Variants in WDFY3 observed in about 807,000 individuals in gnomAD.
The protein encoded by WDFY3 is WD repeat and FYVE domain containing 3.
In WDFY3, 66 loss-of-function variants were observed where a neutral mutation model predicts 409.6. The observed-to-expected ratio is 0.16, with a 90% CI of 0.13 to 0.20. WDFY3 has a LOEUF of 0.20. Among genes scored for constraint, WDFY3 ranks in the 10% least tolerant of loss-of-function variants. The probability of loss-of-function intolerance (pLI) is 1.00; values close to 1 mark genes in which losing one functional copy is unlikely to be tolerated. For missense variants in WDFY3, 3,031 were observed against 4,298.1 expected (o/e 0.71, Z 8.24); for synonymous variants, 1,521 against 1,537.1 (o/e 0.99, Z 0.25).
At chr4:84,918,371 C>A (rs1768790437) in intron 2 of WDFY3, among the ~76,000 whole-genome samples, 1 of 152,050 alleles carries the variant, frequency 6.6e-6, no homozygotes, top group South Asian at 2.1e-4. Context: ...CCTCTATGAA[C>A]TGATATGGAA....
chr4:84,726,320 T>C, intron 45 of WDFY3, among the ~76,000 whole-genome samples: 1 of 152,304 alleles, frequency 6.6e-6, no homozygotes, highest in East Asian at 1.9e-4. Context: ...TTAAATTATG[T>C]ACTTTCATCT....
In WDFY3 at chr4:84,824,050, CT is replaced by C. The variant is rs1388898942; in HGVS notation, c.1124-2500del. ...GGTGAAGAGATACACAAATTGTGGA[CT>C]ATCCAAACAATGAAATAATACCCAG... On this transcript the variant is annotated intron_variant, in intron 10 of 67. Transcript: ENST00000295888. Among the ~76,000 whole-genome samples the C allele has an allele frequency of 2.6e-5, 4 of 152,100 alleles. No individual in the cohort carries two copies. The East Asian group carries it at 7.7e-4, about 29-fold the overall frequency.
intron 17 of WDFY3, among the ~76,000 whole-genome samples, chr4:84,798,984 G>A (rs534529191): frequency 2.6e-4 from 39 of 152,118 alleles, no homozygotes; most frequent in Middle Eastern, 3.4e-3. Context: ...CATCTTTCCC[G>A]CAATCATAAA....
chr4:84,747,290 T>C (rs1739630740), intron 36 of WDFY3, among the ~76,000 whole-genome samples: 2 of 152,212 alleles, frequency 1.3e-5, no homozygotes, highest in African/African-American at 4.8e-5. Flanking sequence ...AGGAAGGCCT[T>C]TGGAATTCTG....
intron 59 of WDFY3, among the ~76,000 whole-genome samples, 183 bp downstream of exon 59, chr4:84,692,700 CAG>C (rs1489995372): frequency 6.6e-6 from 1 of 151,050 alleles, no homozygotes; most frequent in African/African-American, 2.4e-5. Flanking sequence ...AAAAAGAAAA[CAG>C]AGAAAAAAAA....
intron 2 of WDFY3, among the ~76,000 whole-genome samples, chr4:84,927,873 T>G (rs536257793): frequency 6.0e-4 from 92 of 152,234 alleles, no homozygotes; most frequent in Non-Finnish European, 1.1e-3. Context: ...GAGAATGGAC[T>G]AATATACCCA....
chr4:84,750,139 T>G (rs75737287), intron 36 of WDFY3, among the ~76,000 whole-genome samples: 3 of 152,162 alleles, frequency 2.0e-5, no homozygotes, highest in African/African-American at 7.2e-5. Context: ...ATAAACTATT[T>G]CACTTTTTCA....
intron 1 of WDFY3, among the ~76,000 whole-genome samples, chr4:84,945,724 A>G (rs1772738398): frequency 6.6e-6 from 1 of 152,178 alleles, no homozygotes; most frequent in Admixed American, 6.5e-5. Context: ...AACACACTGG[A>G]TGTGGGAACG....
chr4:84,719,669 C>T (rs1734522912), intron 47 of WDFY3, among the ~76,000 whole-genome samples: 1 of 152,066 alleles, frequency 6.6e-6, no homozygotes, highest in African/African-American at 2.4e-5. Context: ...TACATACATA[C>T]ATATATTATA....
At chr4:84,949,245 T>C (rs1443566721) in intron 1 of WDFY3, among the ~76,000 whole-genome samples, 1 of 152,144 alleles carries the variant, frequency 6.6e-6, no homozygotes, top group Non-Finnish European at 1.5e-5. Context: ...TCACAGAATT[T>C]TAAAACAGAA....
chr4:84,778,752 C>T, intron 26 of WDFY3, 97 bp from the exon 27 acceptor site: 1 of 1,053,276 alleles, frequency 9.5e-7, no homozygotes, highest in South Asian at 2.0e-5. Context: ...CACACACATA[C>T]ACACACAAAC....
intron 46 of WDFY3, 46 bp from the exon 47 acceptor site, chr4:84,721,618 T>C (rs1377107330): frequency 1.3e-6 from 2 of 1,591,420 alleles, no homozygotes; most frequent in African/African-American, 1.3e-5. Context: ...GTAAGGACCT[T>C]GTGGGGAAGC....
chr4:84,677,487 T>A (rs760645913), intron 66 of WDFY3, 91 bp from the exon 67 acceptor site: 2 of 1,299,636 alleles, frequency 1.5e-6, no homozygotes, highest in Non-Finnish European at 2.1e-6. Context: ...ATGTGTGTTT[T>A]GAGGTCGGGG....
At chr4:84,768,356 C>T (rs1350479414) in intron 30 of WDFY3, among the ~76,000 whole-genome samples, 1 of 152,156 alleles carries the variant, frequency 6.6e-6, no homozygotes, top group African/African-American at 2.4e-5. Context: ...ACTTTCATAG[C>T]TAGAGGGGAG....
At chr4:84,885,604 G>GA (rs1393294042) in intron 3 of WDFY3, among the ~76,000 whole-genome samples, 1 of 151,960 alleles carries the variant, frequency 6.6e-6, no homozygotes, top group Admixed American at 6.6e-5. Context: ...AATCCCACTG[G>GA]AAAAAAGGCG....
chr4:84,909,683 C>A (rs542524002), intron 2 of WDFY3, among the ~76,000 whole-genome samples: 1 of 151,836 alleles, frequency 6.6e-6, no homozygotes, highest in Non-Finnish European at 1.5e-5. Context: ...AAGTAGATAG[C>A]TTCTGGAACT....
chr4:84,852,525 G>T (rs1187430025), intron 4 of WDFY3, among the ~76,000 whole-genome samples: 1 of 152,096 alleles, frequency 6.6e-6, no homozygotes. Flanking sequence ...AAATTAAGTT[G>T]AAAATGCTAA....
chr4:84,878,871 C>T (rs1763119129), intron 3 of WDFY3, among the ~76,000 whole-genome samples: 1 of 152,192 alleles, frequency 6.6e-6, no homozygotes, highest in Admixed American at 6.5e-5. Context: ...AAAGGCTGCA[C>T]TGCACACTCT....
chr4:84,690,730 G>A, intron 60 of WDFY3, 66 bp from the exon 61 acceptor site: 1 of 1,506,590 alleles, frequency 6.6e-7, no homozygotes, highest in Non-Finnish European at 8.9e-7. Context: ...TGAAACTCAA[G>A]GAGCAGAATT....
Sources: gnomAD v4.1 joint callset for allele counts (sites outside exome capture counted in the v4.1 genomes callset) on GRCh38, gnomAD v4.1.1 for gene constraint, MANE v1.5 for transcripts, NCBI Gene and HGNC (gene_info 2026-07-23, HGNC 2026-07-21) for gene names.